AGFG1: variants seen among roughly 807,000 people sequenced by gnomAD.
The protein encoded by AGFG1 is ArfGAP with FG repeats 1.
AGFG1 carries 10 observed loss-of-function variants against 60.6 expected under a neutral mutation model. The ratio of observed to expected loss-of-function variants is 0.16; its 90% CI spans 0.10 to 0.28. The LOEUF (loss-of-function observed/expected upper bound fraction) is 0.28. Among genes scored for constraint, AGFG1 ranks in the 10% least tolerant of loss-of-function variants. AGFG1 has a pLI of 1.00. For synonymous variants in AGFG1, 247 were observed against 242.9 expected, an observed-to-expected ratio of 1.02 and a Z score of -0.16; for missense variants, 537 against 676.5, an observed-to-expected ratio of 0.79 and a Z score of 2.29.
chr2:227,542,785 C>T (rs961955685), intron 10 of AGFG1, among the ~76,000 whole-genome samples: 100 of 152,272 alleles, frequency 6.6e-4, no homozygotes, highest in African/African-American at 1.9e-3. Flanking sequence ...TCTGTCTGGT[C>T]CTGGACTTTT....
chr2:227,529,929 A>C (rs956113269), intron 5 of AGFG1, among the ~76,000 whole-genome samples: 4 of 151,784 alleles, frequency 2.6e-5, no homozygotes, highest in African/African-American at 9.7e-5. Context: ...GTTTATTGTG[A>C]AGTGCCCTCT....
Position 227,520,366 on chromosome 2 carries a change from G to A in AGFG1, c.377+303G>A, listed in dbSNP as rs564970235. 5.3e-5 allele frequency among the ~76,000 whole-genome samples: 8 copies of A among 152,134 alleles called. No homozygotes were observed. In the East Asian group the frequency reaches 1.5e-3, roughly 29 times the overall value. On this transcript the variant is annotated intron_variant, in intron 3 of 12. Coordinates refer to ENST00000310078, the MANE Select transcript of AGFG1 (RefSeq NM_004504.5). The stretch of plus-strand genomic sequence containing the variant: ...CTTTAAATATGTTTTGCCCTACAAA[G>A]CCTCCGTTCTTAAAAATCATTAATT...
At chr2:227,551,183 A>G (rs1429826402) in intron 10 of AGFG1, among the ~76,000 whole-genome samples, 1 of 152,140 alleles carries the variant, frequency 6.6e-6, no homozygotes, top group Non-Finnish European at 1.5e-5. Flanking sequence ...TTGGCCATTT[A>G]TTCTGCATTC....
At position 227,553,940 on chromosome 2, in the gene AGFG1, G is replaced by T. The variant is rs904292761; in HGVS notation, c.1629+145G>T. 6 of 591,422 alleles carry T rather than the reference G, an allele frequency of 1.0e-5. No individual in the cohort carries two copies. The African/African-American group carries it at 1.1e-4, about 11-fold the overall frequency. 36.6% of individuals were successfully genotyped at this position (591,422 alleles called of 1,614,324 possible). On this transcript the variant is annotated intron_variant, in intron 12 of 12. Coordinates refer to ENST00000310078, the MANE Select transcript of AGFG1 (RefSeq NM_004504.5). ...ATAAGATTGTACAAATTGACACAGAGCCATTATGTGTGATCCTTTTCTGAC... is the reference window on the plus strand; with the variant it reads ...ATAAGATTGTACAAATTGACACAGATCCATTATGTGTGATCCTTTTCTGAC...
intron 2 of AGFG1, among the ~76,000 whole-genome samples, chr2:227,494,043 G>T (rs1334613553): frequency 2.7e-5 from 4 of 149,564 alleles, no homozygotes; most frequent in Non-Finnish European, 4.5e-5. Context: ...CCTTGTAAAT[G>T]CTTGTTAAGG....
At chr2:227,533,487 G>A (rs767941064) in intron 6 of AGFG1, 62 bp from the exon 7 acceptor site, 7 of 1,371,114 alleles carry the variant, frequency 5.1e-6, no homozygotes, top group Non-Finnish European at 7.3e-6. Context: ...TGATCATACA[G>A]TCTATGAGAG....
At chr2:227,516,501 A>G (rs1277139727) in intron 2 of AGFG1, among the ~76,000 whole-genome samples, 1 of 152,198 alleles carries the variant, frequency 6.6e-6, no homozygotes, top group Non-Finnish European at 1.5e-5. Flanking sequence ...ACAGTGAGAC[A>G]GTTTGAATTT....
At chr2:227,508,564 T>A in intron 2 of AGFG1, 1 of 466,402 alleles carries the variant, frequency 2.1e-6, no homozygotes, top group Non-Finnish European at 4.4e-6. Context: ...AGAACACACC[T>A]TTGGTTAATT....
At chr2:227,527,594 G>A (rs984368642) in intron 5 of AGFG1, among the ~76,000 whole-genome samples, 4 of 152,152 alleles carry the variant, frequency 2.6e-5, no homozygotes, top group East Asian at 1.9e-4. Context: ...TTGGAAATGC[G>A]TATGGAATCT....
At chr2:227,543,414 C>T (rs946224966) in intron 10 of AGFG1, among the ~76,000 whole-genome samples, 1 of 152,114 alleles carries the variant, frequency 6.6e-6, no homozygotes, top group African/African-American at 2.4e-5. Flanking sequence ...CATTATTCAC[C>T]CAGTAGTCAT....
intron 2 of AGFG1, among the ~76,000 whole-genome samples, chr2:227,501,086 G>T (rs1034880430): frequency 6.6e-5 from 10 of 151,842 alleles, no homozygotes; most frequent in Non-Finnish European, 1.3e-4. Flanking sequence ...GAGCCACCGT[G>T]CCCAGCCTAA....
At position 227,558,433 on chromosome 2, in the gene AGFG1, C is replaced by G. The variant is rs1189210853; in HGVS notation, c.*3938C>G. The stretch of plus-strand genomic sequence containing the variant: ...CTTTAGAAGTAAATTAATATGGTAA[C>G]TAGTGGAGCGTGCTTTAGATTGAAG... On this transcript the variant is annotated 3_prime_UTR_variant, in exon 13 of 13. Transcript: ENST00000310078. 6.6e-6 allele frequency: 1 copy of G among 151,654 alleles called. No individual in the cohort carries two copies. Among genetic ancestry groups the G allele is most frequent in the Non-Finnish European group, 1.5e-5 (1 of 67,952 alleles). 9.4% of individuals were successfully genotyped at this position (151,654 alleles called of 1,614,324 possible). A position where few individuals can be genotyped will look rare whatever the true frequency, so the allele number is the denominator to read the frequency against.
At chr2:227,472,622 C>A in intron 1 of AGFG1, 34 bp downstream of exon 1, 1 of 1,543,930 alleles carries the variant, frequency 6.5e-7, no homozygotes, top group Non-Finnish European at 8.7e-7. Flanking sequence ...GTGTCGGGCC[C>A]TTCCCGGGAG....
At chr2:227,500,235 G>A (rs1691114386) in intron 2 of AGFG1, among the ~76,000 whole-genome samples, 1 of 152,150 alleles carries the variant, frequency 6.6e-6, no homozygotes, top group African/African-American at 2.4e-5. Context: ...ATATTTTTTG[G>A]TCAGTCTCTT....
At chr2:227,501,231 C>T (rs1366833414) in intron 2 of AGFG1, among the ~76,000 whole-genome samples, 1 of 152,190 alleles carries the variant, frequency 6.6e-6, no homozygotes, top group African/African-American at 2.4e-5. Flanking sequence ...CAGGCACCCA[C>T]CACCTTGCTG....
rs535825466 is a variant in AGFG1, at chr2:227,553,174, T to C, written c.1538-530T>C. Among the ~76,000 whole-genome samples, 30 of 152,222 alleles carry C rather than the reference T, an allele frequency of 2.0e-4. No homozygotes were observed. The South Asian group carries it at 6.0e-3, about 31-fold the overall frequency. On this transcript the variant is annotated intron_variant, in intron 11 of 12. Transcript: ENST00000310078. ...AATGAAATTCTATAAATTTTAGTTA[T>C]TGAGACAAGTTAGAATGAAAGAGCT...
At position 227,560,616 on chromosome 2, in the gene AGFG1, G is replaced by C. The variant is rs185834032; in HGVS notation, c.*6121G>C. 1 of 152,178 alleles carries C rather than the reference G, an allele frequency of 6.6e-6. No homozygotes were observed. The highest frequency in any genetic ancestry group is 2.4e-5 in the African/African-American group (1 of 41,518). 9.4% of individuals were successfully genotyped at this position (152,178 alleles called of 1,614,324 possible). Reference sequence around the variant, plus strand: ...CTTTGTTTTGCAGTTTGTTGGTATCGTGCCTTTCCTTATCTACATTAGCTT... The same window carrying C: ...CTTTGTTTTGCAGTTTGTTGGTATCCTGCCTTTCCTTATCTACATTAGCTT... On this transcript the variant is annotated 3_prime_UTR_variant, in exon 13 of 13. Coordinates refer to ENST00000310078, the MANE Select transcript of AGFG1 (RefSeq NM_004504.5).
In AGFG1 at chr2:227,559,235, T is replaced by TA. The variant is rs1277387834; in HGVS notation, c.*4742dup. ...CTTTTTGAAATGGGGCATGTACTCT[T>TA]AAGGTGGCCACTAGCTTACCATTCC... is the stretch of plus-strand genomic sequence containing the variant. On this transcript the variant is annotated 3_prime_UTR_variant, in exon 13 of 13. Transcript: ENST00000310078. 6.6e-6 allele frequency: 1 copy of TA among 152,226 alleles called. No homozygotes were observed. Among genetic ancestry groups the TA allele is most frequent in the African/African-American group, 2.4e-5 (1 of 41,466 alleles). The allele number at this position is 152,226 out of a possible 1,614,324, so 9.4% of individuals were successfully genotyped here.
chr2:227,524,138 C>A (rs1691907923), intron 4 of AGFG1, among the ~76,000 whole-genome samples: 2 of 151,828 alleles, frequency 1.3e-5, no homozygotes, highest in South Asian at 4.2e-4. Flanking sequence ...TCTTTGACTT[C>A]TCTGCAACTT....
Sources: gnomAD v4.1 joint callset for allele counts (sites outside exome capture counted in the v4.1 genomes callset) on GRCh38, gnomAD v4.1.1 for gene constraint, MANE v1.5 for transcripts, NCBI Gene and HGNC (gene_info 2026-07-23, HGNC 2026-07-21) for gene names.